Variants in SLC24A2 observed in about 807,000 individuals in gnomAD.
The protein encoded by SLC24A2 is solute carrier family 24 member 2, also known as sodium/potassium/calcium exchanger 2.
A neutral mutation model predicts 62.0 loss-of-function variants in SLC24A2; 36 were observed. The ratio of observed to expected loss-of-function variants is 0.58; its 90% confidence interval spans 0.44 to 0.77. The LOEUF (loss-of-function observed/expected upper bound fraction) is 0.77, where lower values mean the gene tolerates loss of function less well. Among genes scored for constraint, SLC24A2 ranks in the 30% least tolerant of loss-of-function variants. The pLI is 0.00. For missense variants in SLC24A2, 846 were observed against 817.9 expected (o/e 1.03, Z -0.42); for synonymous variants, 358 against 294.0 (o/e 1.22, Z -2.23).
At chr9:20,082,827 G>C in the SLC24A2 span, among the ~76,000 whole-genome samples, 13,296 of 152,184 alleles carry the variant, frequency 0.087, 1,069 homozygotes, top group African/African-American at 0.21. Flanking sequence ...ACAGGAAAAA[G>C]AAAAACAAAC....
In SLC24A2 at chr9:19,558,215, G is replaced by A. The variant is rs372190422; in HGVS notation, c.1348-7947C>T. 8.5e-5 allele frequency among the ~76,000 whole-genome samples: 13 copies of A among 152,294 alleles called. No homozygotes were observed. In the East Asian group the frequency reaches 1.3e-3, roughly 16 times the overall value. ...TGAAAGTGAAATGAAGGGCAGACCT[G>A]GGGGTGTGTGGAGAGTAGGGGCCAC... On this transcript the variant is annotated intron_variant, in intron 7 of 10. Coordinates refer to ENST00000341998, the MANE Select transcript of SLC24A2 (RefSeq NM_020344.4).
chr9:19,789,198 G>C (rs566765724), upstream of SLC24A2, among the ~76,000 whole-genome samples: 1 of 152,372 alleles, frequency 6.6e-6, no homozygotes, highest in Non-Finnish European at 1.5e-5. Flanking sequence ...GCTGGCAGCC[G>C]TCTCTTAGGA....
the SLC24A2 span, among the ~76,000 whole-genome samples, chr9:20,282,405 C>T: frequency 6.6e-6 from 1 of 152,116 alleles, no homozygotes; most frequent in Non-Finnish European, 1.5e-5. Flanking sequence ...TTTATACATA[C>T]ATATTATGTG....
chr9:20,241,721 G>A, the SLC24A2 span, among the ~76,000 whole-genome samples: 3 of 152,106 alleles, frequency 2.0e-5, no homozygotes, highest in Non-Finnish European at 2.9e-5. Context: ...CCATAAGCGA[G>A]TAATCCCAGC....
chr9:19,948,555 G>GT, the SLC24A2 span, among the ~76,000 whole-genome samples: 1 of 152,318 alleles, frequency 6.6e-6, no homozygotes, highest in African/African-American at 2.4e-5. Context: ...TAGATTGACT[G>GT]TTAAGAAAAC....
intron 1 of SLC24A2, chr9:19,788,385 C>T (rs1009246886): frequency 1.1e-5 from 5 of 467,970 alleles, no homozygotes; most frequent in African/African-American, 2.1e-5. Context: ...ATCCTCGCTC[C>T]CCCTGAAAAC....
At position 19,619,702 on chromosome 9, in the gene SLC24A2, G is replaced by T. The variant is rs1200900343; in HGVS notation, c.970-10C>A. 14 of 1,596,986 alleles carry T rather than the reference G, an allele frequency of 8.8e-6. No individual in the cohort carries two copies. Among genetic ancestry groups the T allele is most frequent in the Non-Finnish European group, 1.1e-5 (13 of 1,164,498 alleles). On this transcript the variant is annotated splice_polypyrimidine_tract_variant and intron_variant, in intron 3 of 10. Transcript: ENST00000341998. ...GGAGACGCGGCTTAGCCTGAGCAGA[G>T]AAACCAAAGAGATGGTTAGTCTCAG...
At chr9:20,187,927 A>T in the SLC24A2 span, among the ~76,000 whole-genome samples, 1 of 152,172 alleles carries the variant, frequency 6.6e-6, no homozygotes, top group Admixed American at 6.5e-5. Flanking sequence ...GCTCATGAAA[A>T]TGTGGAAAGT....
intron 2 of SLC24A2, among the ~76,000 whole-genome samples, chr9:19,722,673 C>T (rs535846928): frequency 6.7e-4 from 101 of 151,188 alleles, no homozygotes; most frequent in Non-Finnish European, 1.2e-3. Flanking sequence ...AAAAAAACCA[C>T]GATATTCAAT....
rs908747866 is a variant in SLC24A2 at position 19,517,953 on chromosome 9, A to ACTCT, written c.1737-1552_1737-1551insAGAG. 5.1e-4 allele frequency among the ~76,000 whole-genome samples: 63 copies of ACTCT among 124,272 alleles called. No homozygotes were observed. The East Asian group carries it at 9.8e-3, about 19-fold the overall frequency. 81.5% of individuals were successfully genotyped at this position (124,272 alleles called of 152,430 possible). A position where few individuals can be genotyped will look rare whatever the true frequency, so the allele number is the denominator to read the frequency against. ...CACACACACACACACACACACACAC[A>ACTCT]CACACTCTCACACTTCTAGTGAAGT... On this transcript the variant is annotated intron_variant, in intron 10 of 10. Coordinates refer to ENST00000341998, the MANE Select transcript of SLC24A2 (RefSeq NM_020344.4).
Position 19,515,612 on chromosome 9 carries a change from A to C in SLC24A2, c.*541T>G, listed in dbSNP as rs1832890264. ...GAGGTAAAGCCCAGACTGCAAGTTG[A>C]TGCCCCTCTTCAAATAAGTACTATA... On this transcript the variant is annotated 3_prime_UTR_variant, in exon 11 of 11. Transcript: ENST00000341998. The C allele has an allele frequency of 6.6e-6, 1 of 152,272 alleles. No individual in the cohort carries two copies. Among genetic ancestry groups the C allele is most frequent in the Non-Finnish European group, 1.5e-5 (1 of 68,144 alleles). The allele number at this position is 152,272 out of a possible 1,614,324, so 9.4% of individuals were successfully genotyped here. A position where few individuals can be genotyped will look rare whatever the true frequency, so the allele number is the denominator to read the frequency against.
intron 2 of SLC24A2, among the ~76,000 whole-genome samples, chr9:19,758,461 G>A (rs1443667150): frequency 6.6e-6 from 1 of 152,124 alleles, no homozygotes; most frequent in East Asian, 1.9e-4. Flanking sequence ...GGATCAGAAA[G>A]TTTTCTAATT....
chr9:19,650,379 G>A (rs1216364192), intron 2 of SLC24A2, among the ~76,000 whole-genome samples: 1 of 152,166 alleles, frequency 6.6e-6, no homozygotes, highest in Non-Finnish European at 1.5e-5. Context: ...TACCCAGCAT[G>A]GGGACACTTA....
the SLC24A2 span, among the ~76,000 whole-genome samples, chr9:19,856,761 G>T: frequency 6.6e-6 from 1 of 152,188 alleles, no homozygotes; most frequent in Non-Finnish European, 1.5e-5. Context: ...GTCCCACCCA[G>T]TCATAAGGCA....
At chr9:19,658,843 A>T (rs1174793138) in intron 2 of SLC24A2, among the ~76,000 whole-genome samples, 2 of 152,182 alleles carry the variant, frequency 1.3e-5, no homozygotes, top group Non-Finnish European at 2.9e-5. Flanking sequence ...TCTCTCCCCA[A>T]GGCCACTGTC....
the SLC24A2 span, among the ~76,000 whole-genome samples, chr9:20,023,870 A>T: frequency 6.6e-6 from 1 of 152,180 alleles, no homozygotes; most frequent in Non-Finnish European, 1.5e-5. Flanking sequence ...CTACCACTCT[A>T]CTTAGGAATA....
chr9:19,592,621 TTGGTGGAA>T, intron 5 of SLC24A2, among the ~76,000 whole-genome samples: 1 of 152,156 alleles, frequency 6.6e-6, no homozygotes, highest in Non-Finnish European at 1.5e-5. Flanking sequence ...TATACTGCCA[TTGGTGGAA>T]AGGTCTTTTC....
the SLC24A2 span, among the ~76,000 whole-genome samples, chr9:20,287,996 T>A: frequency 6.7e-6 from 1 of 148,748 alleles, no homozygotes; most frequent in Non-Finnish European, 1.5e-5. Flanking sequence ...GATAACACTT[T>A]CTCTTTTTTT....
At chr9:19,968,166 TTTCATCATCATAATC>T in the SLC24A2 span, among the ~76,000 whole-genome samples, 2 of 152,184 alleles carry the variant, frequency 1.3e-5, no homozygotes, top group African/African-American at 4.8e-5. Flanking sequence ...CCTGGTTTGT[TTTCATCATCATAATC>T]TTCATCATCA....
Sources: gnomAD v4.1 joint callset for allele counts (sites outside exome capture counted in the v4.1 genomes callset) on GRCh38, gnomAD v4.1.1 for gene constraint, MANE v1.5 for transcripts, NCBI Gene and HGNC (gene_info 2026-07-23, HGNC 2026-07-21) for gene names.